Variants in PLCB4 observed in about 807,000 individuals in gnomAD.
PLCB4 encodes phospholipase C beta 4, also known as 1-phosphatidylinositol 4,5-bisphosphate phosphodiesterase beta-4.
In PLCB4, 77 loss-of-function variants were observed where a neutral mutation model predicts 178.8. The ratio of observed to expected loss-of-function variants is 0.43; its 90% CI spans 0.36 to 0.52. The LOEUF is 0.52. PLCB4 is among the 20% of genes least tolerant of loss of function. The pLI is 0.00. For synonymous variants in PLCB4, 496 were observed against 490.8 expected, an observed-to-expected ratio of 1.01 and a Z score of -0.14; for missense variants, 1,024 against 1,453.4, an observed-to-expected ratio of 0.70 and a Z score of 4.80.
intron 2 of PLCB4, among the ~76,000 whole-genome samples, chr20:9,150,334 T>G (rs2092670566): frequency 6.6e-6 from 1 of 152,176 alleles, no homozygotes; most frequent in South Asian, 2.1e-4. Flanking sequence ...TGATTTCTTC[T>G]CCATAACCCA....
At chr20:9,218,987 A>G (rs1001964773) in intron 3 of PLCB4, among the ~76,000 whole-genome samples, 6 of 152,300 alleles carry the variant, frequency 3.9e-5, no homozygotes, top group African/African-American at 1.2e-4. Flanking sequence ...TTATCCTTAA[A>G]TAGGTCATTT....
chr20:9,075,941 G>A (rs948242534), intron 1 of PLCB4, among the ~76,000 whole-genome samples: 2 of 152,182 alleles, frequency 1.3e-5, no homozygotes, highest in East Asian at 1.9e-4. Flanking sequence ...TGGAAACACC[G>A]TGTACTAGAA....
intron 2 of PLCB4, among the ~76,000 whole-genome samples, chr20:9,189,809 G>A (rs530504389): frequency 2.0e-5 from 3 of 152,056 alleles, no homozygotes; most frequent in Admixed American, 6.6e-5. Context: ...GCTAGTTTGC[G>A]CTAGCCCCTT....
chr20:9,420,481 G>A (rs549608515), intron 26 of PLCB4, among the ~76,000 whole-genome samples: 3 of 151,828 alleles, frequency 2.0e-5, no homozygotes, highest in South Asian at 2.1e-4. Context: ...GGTGCCCACC[G>A]CCACACCTGG....
chr20:9,251,469 C>T (rs1220032625), intron 3 of PLCB4, among the ~76,000 whole-genome samples: 3 of 152,168 alleles, frequency 2.0e-5, no homozygotes, highest in Admixed American at 6.5e-5. Flanking sequence ...TGAGGTGAAG[C>T]GTTCTATTTT....
intron 13 of PLCB4, among the ~76,000 whole-genome samples, chr20:9,380,880 A>G (rs966429736): frequency 6.6e-6 from 1 of 152,304 alleles, no homozygotes; most frequent in Non-Finnish European, 1.5e-5. Flanking sequence ...TTCAAGTTCC[A>G]TAGGTCCCGT....
intron 34 of PLCB4, among the ~76,000 whole-genome samples, chr20:9,459,134 G>A (rs539252700): frequency 2.0e-4 from 30 of 152,256 alleles, no homozygotes; most frequent in South Asian, 4.1e-4. Context: ...ACCTGAGATC[G>A]GGAGTTTGAG....
chr20:9,470,702 A>T (rs974170634), intron 36 of PLCB4, among the ~76,000 whole-genome samples: 1 of 152,096 alleles, frequency 6.6e-6, no homozygotes, highest in Admixed American at 6.5e-5. Flanking sequence ...TTCTATTTTT[A>T]TTTGTGCAAC....
At chr20:9,441,115 G>A (rs544623622) in intron 30 of PLCB4, among the ~76,000 whole-genome samples, 111 of 152,304 alleles carry the variant, frequency 7.3e-4, no homozygotes, top group African/African-American at 2.6e-3. Context: ...TGTGTTGGAC[G>A]TCTGGGAATG....
At chr20:9,226,632 C>A (rs2093869478) in intron 3 of PLCB4, among the ~76,000 whole-genome samples, 1 of 152,090 alleles carries the variant, frequency 6.6e-6, no homozygotes, top group South Asian at 2.1e-4. Flanking sequence ...ATCTTCGTCC[C>A]CATTTTCCTT....
chr20:9,130,333 C>T lies in PLCB4; in HGVS notation c.-79+33991C>T, dbSNP rs2092240557. Reference sequence around the variant, plus strand: ...CTTTCTAAAAACTGCAGCCAGCTTCCACACTCCCCACACCAAAAATAAATC... The same window carrying T: ...CTTTCTAAAAACTGCAGCCAGCTTCTACACTCCCCACACCAAAAATAAATC... On this transcript the variant is annotated intron_variant, in intron 2 of 39. Coordinates refer to ENST00000378473, the MANE Select transcript of PLCB4 (RefSeq NM_001377142.1). 2.0e-5 allele frequency among the ~76,000 whole-genome samples: 3 copies of T among 152,144 alleles called. No homozygotes were observed. The South Asian group carries it at 6.2e-4, about 32-fold the overall frequency.
At chr20:9,463,650 CT>C (rs1190961934) in intron 35 of PLCB4, among the ~76,000 whole-genome samples, 1 of 140,110 alleles carries the variant, frequency 7.1e-6, no homozygotes, top group African/African-American at 2.7e-5. Flanking sequence ...ATAAAACAGA[CT>C]TTAAACCAAC....
At chr20:9,238,068 A>G (rs186605962) in intron 3 of PLCB4, among the ~76,000 whole-genome samples, 2 of 152,280 alleles carry the variant, frequency 1.3e-5, no homozygotes, top group East Asian at 3.9e-4. Flanking sequence ...AAAGAAGGAA[A>G]TGATTAACTT....
chr20:9,106,593 C>T (rs1264169635), intron 2 of PLCB4, among the ~76,000 whole-genome samples: 2 of 151,876 alleles, frequency 1.3e-5, no homozygotes, highest in Non-Finnish European at 2.9e-5. Context: ...TTAACTCTCT[C>T]AAAGTGCGTT....
rs553233874 is a variant in PLCB4, at chr20:9,254,835, G to A, written c.-16+37383G>A. Among the ~76,000 whole-genome samples the A allele has an allele frequency of 7.6e-4, 116 of 152,186 alleles. 2 individuals carry two copies. In the South Asian group the frequency reaches 7.9e-3, roughly 10 times the overall value. On this transcript the variant is annotated intron_variant, in intron 3 of 39. Coordinates refer to ENST00000378473, the MANE Select transcript of PLCB4 (RefSeq NM_001377142.1). ...ATTGCAAATGGTCCAATGGCTTTTC[G>A]GAGAAGCTCCTTGAGAAATATCCAT...
intron 2 of PLCB4, among the ~76,000 whole-genome samples, chr20:9,129,138 T>C (rs1027199829): frequency 3.3e-5 from 5 of 152,204 alleles, no homozygotes; most frequent in African/African-American, 1.2e-4. Flanking sequence ...AACATGGATG[T>C]GCAAATCTCT....
chr20:9,213,390 C>T (rs906047422), intron 2 of PLCB4, among the ~76,000 whole-genome samples: 4 of 151,928 alleles, frequency 2.6e-5, no homozygotes, highest in African/African-American at 9.7e-5. Flanking sequence ...GGTGATCCAC[C>T]CACCCTGGCC....
rs534125208 is a variant in PLCB4, at chr20:9,187,886, G to A, written c.-78-29504G>A. Among the ~76,000 whole-genome samples the A allele has an allele frequency of 7.2e-5, 11 of 152,228 alleles. No individual in the cohort carries two copies. The South Asian group carries it at 1.0e-3, about 14-fold the overall frequency. The stretch of plus-strand genomic sequence containing the variant: ...TGTGTTTTACATGAAGGCATTTTGC[G>A]TTCATTTGGGAATTATTCTTATAGG... On this transcript the variant is annotated intron_variant, in intron 2 of 39. Coordinates refer to ENST00000378473, the MANE Select transcript of PLCB4 (RefSeq NM_001377142.1).
intron 3 of PLCB4, among the ~76,000 whole-genome samples, chr20:9,264,255 T>C (rs2147570554): frequency 6.6e-6 from 1 of 152,296 alleles, no homozygotes; most frequent in South Asian, 2.1e-4. Flanking sequence ...TTTCCTTCAT[T>C]TTCTCTTTTA....
Sources: gnomAD v4.1 joint callset for allele counts (sites outside exome capture counted in the v4.1 genomes callset) on GRCh38, gnomAD v4.1.1 for gene constraint, MANE v1.5 for transcripts, NCBI Gene and HGNC (gene_info 2026-07-23, HGNC 2026-07-21) for gene names.